TLL1: variants seen among roughly 807,000 people sequenced by gnomAD.
TLL1 encodes the protein tolloid like 1.
A neutral mutation model predicts 128.2 loss-of-function variants in TLL1; 49 were observed. The observed-to-expected ratio is 0.38, with a 90% CI of 0.30 to 0.48. TLL1 has a LOEUF of 0.48. Among genes scored for constraint, TLL1 ranks in the 20% least tolerant of loss-of-function variants. The probability of loss-of-function intolerance (pLI) is 0.96; values close to 1 mark genes in which losing one functional copy is unlikely to be tolerated. For missense variants in TLL1, 1,123 were observed against 1,242.0 expected (o/e 0.90, Z 1.44); for synonymous variants, 454 against 418.8 (o/e 1.08, Z -1.03).
chr4:165,955,190 C>A (rs75384703), intron 1 of TLL1, among the ~76,000 whole-genome samples: 4,083 of 151,830 alleles, frequency 0.027, 155 homozygotes, highest in African/African-American at 0.082. Flanking sequence ...GCTTGCAGAC[C>A]AGTCCTTCAA....
intron 7 of TLL1, among the ~76,000 whole-genome samples, chr4:166,011,147 T>G (rs1310776591): frequency 6.6e-6 from 1 of 151,498 alleles, no homozygotes; most frequent in Non-Finnish European, 1.5e-5. Flanking sequence ...TTGGTGTATC[T>G]TGAGATCATA....
intron 1 of TLL1, among the ~76,000 whole-genome samples, chr4:165,876,802 T>C (rs1266821001): frequency 3.9e-5 from 6 of 152,214 alleles, no homozygotes; most frequent in Non-Finnish European, 1.5e-5. Context: ...ATTGAGATGA[T>C]AACAATAGAA....
At chr4:166,090,499 A>G (rs1241006013) in intron 18 of TLL1, among the ~76,000 whole-genome samples, 1 of 152,102 alleles carries the variant, frequency 6.6e-6, no homozygotes, top group Non-Finnish European at 1.5e-5. Context: ...AAACTCTCCA[A>G]GATGTCCAAT....
At chr4:166,056,979 C>A (rs1194670090) in intron 13 of TLL1, among the ~76,000 whole-genome samples, 2 of 152,080 alleles carry the variant, frequency 1.3e-5, no homozygotes, top group Admixed American at 6.6e-5. Flanking sequence ...AAGATTTACG[C>A]CCTCATATAT....
chr4:165,970,748 A>T (rs1317642428), intron 1 of TLL1, among the ~76,000 whole-genome samples: 1 of 152,208 alleles, frequency 6.6e-6, no homozygotes, highest in Non-Finnish European at 1.5e-5. Context: ...ATATCTTTGG[A>T]TAACCATATA....
rs1354792035 is a variant in TLL1 at position 166,039,377 on chromosome 4, T to A, written c.1197T>A (p.Ser399Arg). 6.2e-7 allele frequency: 1 copy of A among 1,613,416 alleles called. No homozygotes were observed. Residue 399 changes from serine (S) to arginine (R), a missense_variant, in exon 10 of 21, where the codon AGT becomes AGA. Coordinates refer to ENST00000061240, the MANE Select transcript of TLL1 (RefSeq NM_012464.5). ...TTACAACGATGGATCTATACAAGAG[T>A]AGTTTGTGCTGGTATGACTATATTG... ...LNFTTMDLYK[S>R]SLCWYDYIEV... is the part of the protein sequence containing the mutation.
At chr4:165,928,963 G>A (rs928583115) in intron 1 of TLL1, among the ~76,000 whole-genome samples, 5 of 152,178 alleles carry the variant, frequency 3.3e-5, no homozygotes, top group African/African-American at 1.2e-4. Context: ...TGGGGCAGTG[G>A]ATTTGGGTAA....
At chr4:165,991,586 C>T (rs1736638247) in intron 2 of TLL1, among the ~76,000 whole-genome samples, 1 of 151,918 alleles carries the variant, frequency 6.6e-6, no homozygotes, top group Non-Finnish European at 1.5e-5. Flanking sequence ...AGTCAGTGAA[C>T]AAGCACTCTA....
intron 1 of TLL1, among the ~76,000 whole-genome samples, chr4:165,900,699 T>C (rs754660499): frequency 2.8e-4 from 42 of 152,214 alleles, no homozygotes; most frequent in Non-Finnish European, 7.3e-5. Flanking sequence ...TTGGTAAATC[T>C]GACAATTATG....
chr4:166,083,865 C>T (rs77064330), intron 18 of TLL1, among the ~76,000 whole-genome samples: 2,559 of 152,214 alleles, frequency 0.017, 30 homozygotes, highest in Non-Finnish European at 0.026. Context: ...AACAGACATT[C>T]CTTCAACATC....
chr4:166,079,905 C>A lies in TLL1; in HGVS notation c.2442+1875C>A, dbSNP rs576890431. On this transcript the variant is annotated intron_variant, in intron 18 of 20. Transcript: ENST00000061240. ...CTGTCTTCAAATTCAGTAATTATTTCTTTGGCTGTCTCGAATCTACTGATG... is the reference window on the plus strand; with the variant it reads ...CTGTCTTCAAATTCAGTAATTATTTATTTGGCTGTCTCGAATCTACTGATG... Among the ~76,000 whole-genome samples, 7 of 152,212 alleles carry A rather than the reference C, an allele frequency of 4.6e-5. No individual in the cohort carries two copies. The South Asian group carries it at 6.2e-4, about 14-fold the overall frequency.
intron 1 of TLL1, among the ~76,000 whole-genome samples, chr4:165,924,485 A>C (rs1185705931): frequency 6.6e-6 from 1 of 152,230 alleles, no homozygotes; most frequent in Non-Finnish European, 1.5e-5. Context: ...ATTCAAGGCT[A>C]TGAAGGCTGA....
chr4:166,008,295 G>T (rs888648499), intron 7 of TLL1, among the ~76,000 whole-genome samples: 1 of 151,246 alleles, frequency 6.6e-6, no homozygotes, highest in African/African-American at 2.4e-5. Flanking sequence ...CAATAAGATG[G>T]CATAAATTAT....
At position 165,990,377 on chromosome 4, in the gene TLL1, G is replaced by A. The variant is rs137859728; in HGVS notation, c.280+886G>A. Reference sequence around the variant, plus strand: ...CCTATTCTGTGGAAGTACAATATGTGGTCCTTTCTGATATCAAATGCACAT... The same window carrying A: ...CCTATTCTGTGGAAGTACAATATGTAGTCCTTTCTGATATCAAATGCACAT... On this transcript the variant is annotated intron_variant, in intron 2 of 20. Transcript: ENST00000061240. Among the ~76,000 whole-genome samples the A allele has an allele frequency of 3.3e-5, 5 of 151,802 alleles. No homozygotes were observed. In the East Asian group the frequency reaches 9.7e-4, roughly 29 times the overall value.
chr4:165,893,755 C>T (rs967197707), intron 1 of TLL1, among the ~76,000 whole-genome samples: 7 of 151,824 alleles, frequency 4.6e-5, no homozygotes, highest in South Asian at 2.1e-4. Flanking sequence ...ATTTATTGAG[C>T]GTCACATAGA....
intron 1 of TLL1, among the ~76,000 whole-genome samples, chr4:165,884,451 G>A (rs891293245): frequency 1.3e-5 from 2 of 152,212 alleles, no homozygotes; most frequent in Non-Finnish European, 2.9e-5. Flanking sequence ...CAGTGGACTA[G>A]TACAAGTGTA....
At chr4:166,093,414 G>A (rs113205377) in intron 19 of TLL1, among the ~76,000 whole-genome samples, 3,836 of 152,238 alleles carry the variant, frequency 0.025, 166 homozygotes, top group African/African-American at 0.087. Flanking sequence ...GTTTCTCTCC[G>A]CCCAAACATC....
At chr4:165,999,197 C>A (rs1379711483) in intron 5 of TLL1, among the ~76,000 whole-genome samples, 1 of 152,170 alleles carries the variant, frequency 6.6e-6, no homozygotes, top group Non-Finnish European at 1.5e-5. Context: ...AAAGTTGCTT[C>A]CACATTTTCA....
intron 1 of TLL1, among the ~76,000 whole-genome samples, chr4:165,919,312 G>A (rs530940422): frequency 1.3e-5 from 2 of 150,682 alleles, no homozygotes; most frequent in African/African-American, 4.9e-5. Context: ...CAGCCTGGGA[G>A]GTCAAAGCTG....
Sources: allele counts gnomAD v4.1 joint callset (sites outside exome capture counted in the v4.1 genomes callset), GRCh38; gene constraint gnomAD v4.1.1; transcripts MANE v1.5; gene names NCBI Gene and HGNC (gene_info 2026-07-23, HGNC 2026-07-21).